The following SPEG variants were observed in gnomAD, a reference collection of about 807,000 sequenced individuals.
The protein encoded by SPEG is striated muscle preferentially expressed protein kinase.
Under a neutral mutation model 300.4 loss-of-function variants are expected in SPEG, and 114 were observed. The observed-to-expected ratio is 0.38, with a 90% confidence interval of 0.33 to 0.44. The LOEUF (loss-of-function observed/expected upper bound fraction) is 0.44. Among genes scored for constraint, SPEG ranks in the 20% least tolerant of loss-of-function variants. The probability of loss-of-function intolerance (pLI) is 1.00; values close to 1 mark genes in which losing one functional copy is unlikely to be tolerated. For synonymous variants in SPEG, 1,964 were observed against 2,018.9 expected, an observed-to-expected ratio of 0.97 and a Z score of 0.73; for missense variants, 4,201 against 4,586.2, an observed-to-expected ratio of 0.92 and a Z score of 2.43.
chr2:219,485,817 G>A (rs1693365177), intron 31 of SPEG, among the ~76,000 whole-genome samples: 1 of 152,220 alleles, frequency 6.6e-6, no homozygotes, highest in African/African-American at 2.4e-5. Context: ...GTTGGACTGT[G>A]TGACCTTCTG....
intron 3 of SPEG, among the ~76,000 whole-genome samples, chr2:219,447,222 G>C (rs1383796978): frequency 7.1e-6 from 1 of 141,604 alleles, no homozygotes; most frequent in Admixed American, 7.0e-5. Context: ...GTGGGGGGGG[G>C]CCTTCTGTAC....
Position 219,480,396 on chromosome 2 carries a change from T to C in SPEG, c.5342+256T>C, listed in dbSNP as rs4674404. Among the ~76,000 whole-genome samples the C allele has an allele frequency of 0.58, 88,519 of 151,600 alleles. 28,488 individuals carry two copies. The highest frequency in any genetic ancestry group is 0.84 in the East Asian group (4,278 of 5,112). ...GGAAGCCGGGCCTTCCCCTCAGCAT[T>C]CAGCCTGCCTCCTCCAGTAAGGCAG... On this transcript the variant is annotated intron_variant, in intron 25 of 40. Transcript: ENST00000312358. The surrounding 1 kb of genome is among the most constrained non-coding windows in gnomAD (Gnocchi z 5.3).
In SPEG at chr2:219,489,646, C is replaced by T. The variant is rs1279218474; in HGVS notation, c.8628C>T (p.Val2876=). ...CCCCAAGTGAGCCCAAGCCTTTCGTCCTTGACACTGGGACCCCGATCCCAG... is the reference window on the plus strand; with the variant it reads ...CCCCAAGTGAGCCCAAGCCTTTCGTTCTTGACACTGGGACCCCGATCCCAG... ...HVTPSEPKPF[V]LDTGTPIPAS... is the part of the protein sequence containing the mutation. The change falls in exon 36 of 41, where the codon GTC becomes GTT. Residue 2876 remains valine (V), a synonymous_variant. Transcript: ENST00000312358. 1.2e-6 allele frequency: 2 copies of T among 1,614,020 alleles called. No individual in the cohort carries two copies. The highest frequency in any genetic ancestry group is 2.2e-5 in the East Asian group (1 of 44,886).
In SPEG at chr2:219,479,726, G is replaced by T; in HGVS notation, c.5086-57G>T. The T allele has an allele frequency of 6.5e-7, 1 of 1,540,810 alleles. No individual in the cohort carries two copies. The highest frequency in any genetic ancestry group is 9.0e-7 in the Non-Finnish European group (1 of 1,115,162). On this transcript the variant is annotated intron_variant, in intron 23 of 40. Coordinates refer to ENST00000312358, the MANE Select transcript of SPEG (RefSeq NM_005876.5). This position sits in a 1 kb window ranked among gnomAD's most constrained non-coding sequence, Gnocchi z 5.5. ...CAGCCGGACCGCTTGCCGCCCTGGA[G>T]GTGTTCAGACATACACCACCCTTCC...
In SPEG at chr2:219,469,275, A is replaced by G; in HGVS notation, c.3611A>G (p.Glu1204Gly). ...LQDLEVGLAK[E>G]AMLECQVTGL... is the part of the protein sequence containing the mutation. The stretch of plus-strand genomic sequence containing the variant: ...GACCTGGAGGTGGGACTGGCCAAGG[A>G]GGCCATGCTAGAGTGCCAGGTGACC... Residue 1204 changes from glutamate to glycine, a missense_variant, in exon 13 of 41, where the codon GAG (glutamate) becomes GGG (glycine). By Grantham distance (98) the Glu-to-Gly change is moderately conservative (BLOSUM62 -2). Coordinates refer to ENST00000312358, the MANE Select transcript of SPEG (RefSeq NM_005876.5). 6.2e-7 allele frequency: 1 copy of G among 1,613,858 alleles called. No individual in the cohort carries two copies. The highest frequency in any genetic ancestry group is 8.5e-7 in the Non-Finnish European group (1 of 1,179,940).
Position 219,451,822 on chromosome 2 carries a change from A to G in SPEG, c.2440+15A>G. 1 of 1,518,190 alleles carries G rather than the reference A, an allele frequency of 6.6e-7. No homozygotes were observed. The highest frequency in any genetic ancestry group is 1.3e-5 in the South Asian group (1 of 79,464). 94.0% of individuals were successfully genotyped at this position (1,518,190 alleles called of 1,614,324 possible). A position where few individuals can be genotyped will look rare whatever the true frequency, so the allele number is the denominator to read the frequency against. ...CGTGAGACCCGGTAGGGAGCCCATC[A>G]ACCCTGGGGCTGGGTGGGGGCAAGC... On this transcript the variant is annotated intron_variant, in intron 6 of 40. Coordinates refer to ENST00000312358, the MANE Select transcript of SPEG (RefSeq NM_005876.5). The surrounding 1 kb of genome is among the most constrained non-coding windows in gnomAD (Gnocchi z 6.4).
Position 219,481,396 on chromosome 2 carries a change from TCCTGAG to T in SPEG, c.5470_5475del (p.Leu1824_Ser1825del). The T allele has an allele frequency of 6.2e-7, 1 of 1,614,180 alleles. No individual in the cohort carries two copies. Among genetic ancestry groups the T allele is most frequent in the East Asian group, 2.2e-5 (1 of 44,874 alleles). ...AACGTGGCCTTCGAGGAGACCACAT[TCCTGAG>T]CCTGAGCAGGGAGGCCCGGGGCTTC... On this transcript the variant is annotated inframe_deletion, in exon 27 of 41. Coordinates refer to ENST00000312358, the MANE Select transcript of SPEG (RefSeq NM_005876.5). This position sits in a 1 kb window ranked among gnomAD's most constrained non-coding sequence, Gnocchi z 5.4.
chr2:219,442,428 G>C (rs1688990661), intron 1 of SPEG, among the ~76,000 whole-genome samples: 1 of 150,368 alleles, frequency 6.7e-6, no homozygotes, highest in Non-Finnish European at 1.5e-5. Context: ...CTCAACCCCG[G>C]GCCCCGGCCC....
chr2:219,480,105 C>G lies in SPEG; in HGVS notation c.5307C>G (p.Val1769=), dbSNP rs374198394. The change falls in exon 25 of 41, where the codon GTC becomes GTG. Residue 1769 remains valine (V), a synonymous_variant. Coordinates refer to ENST00000312358, the MANE Select transcript of SPEG (RefSeq NM_005876.5). This position sits in a 1 kb window ranked among gnomAD's most constrained non-coding sequence, Gnocchi z 5.3. Reference sequence around the variant, plus strand: ...CTGAGTTTGTAGCACCCGAGATTGTCAATCAGAGCCCCGTGTCTGGAGTCA... The same window carrying G: ...CTGAGTTTGTAGCACCCGAGATTGTGAATCAGAGCCCCGTGTCTGGAGTCA... The part of the protein sequence containing the change: ...GTPEFVAPEI[V]NQSPVSGVTD... The G allele has an allele frequency of 1.9e-6, 3 of 1,613,958 alleles. No individual in the cohort carries two copies. The highest frequency in any genetic ancestry group is 2.5e-6 in the Non-Finnish European group (3 of 1,180,014).
Position 219,477,884 on chromosome 2 carries a change from C to A in SPEG, c.4827-21C>A, listed in dbSNP as rs931277187. On this transcript the variant is annotated intron_variant, in intron 21 of 40. Transcript: ENST00000312358. The surrounding 1 kb of genome is among the most constrained non-coding windows in gnomAD (Gnocchi z 6.4). ...GGCCACAGTGATGGCTGATCTCTGA[C>A]CCCCTCCCTGTGTCAACCAGGGGTG... 1 of 1,611,106 alleles carries A rather than the reference C, an allele frequency of 6.2e-7. No individual in the cohort carries two copies. The highest frequency in any genetic ancestry group is 1.3e-5 in the African/African-American group (1 of 74,890).
At position 219,451,842 on chromosome 2, in the gene SPEG, G is replaced by A. The variant is rs923169115; in HGVS notation, c.2440+35G>A. ...CCATCAACCCTGGGGCTGGGTGGGG[G>A]CAAGCCGTGACTCTCCCCTGGCCCA... On this transcript the variant is annotated intron_variant, in intron 6 of 40. Transcript: ENST00000312358. The surrounding 1 kb of genome is among the most constrained non-coding windows in gnomAD (Gnocchi z 6.4). 12 of 1,489,438 alleles carry A rather than the reference G, an allele frequency of 8.1e-6. 1 individual carries two copies. The highest frequency in any genetic ancestry group is 2.5e-5 in the East Asian group (1 of 39,692). The allele number at this position is 1,489,438 out of a possible 1,614,324, so 92.3% of individuals were successfully genotyped here.
chr2:219,472,173 C>T (rs1691935685), intron 14 of SPEG, 54 bp from the exon 15 acceptor site: 2 of 1,582,848 alleles, frequency 1.3e-6, no homozygotes, highest in African/African-American at 1.3e-5. Flanking sequence ...CTCGGTGATC[C>T]TGTGGGGCTG....
At position 219,481,167 on chromosome 2, in the gene SPEG, C is replaced by T. The variant is rs1050413742; in HGVS notation, c.5370-137C>T. The T allele has an allele frequency of 3.7e-5, 34 of 925,272 alleles. No homozygotes were observed. Among genetic ancestry groups the T allele is most frequent in the Non-Finnish European group, 5.2e-5 (31 of 601,322 alleles). 57.3% of individuals were successfully genotyped at this position (925,272 alleles called of 1,614,324 possible). Reference sequence around the variant, plus strand: ...CAGGGCAGGAGAGAGTCCGCAGCCTCACCTCTTACCCACATTTGCCCAGCC... The same window carrying T: ...CAGGGCAGGAGAGAGTCCGCAGCCTTACCTCTTACCCACATTTGCCCAGCC... On this transcript the variant is annotated intron_variant, in intron 26 of 40. Transcript: ENST00000312358. The surrounding 1 kb of genome is among the most constrained non-coding windows in gnomAD (Gnocchi z 5.4).
rs1691071779 is a variant in SPEG at position 219,464,498 on chromosome 2, T to A, written c.2771T>A (p.Leu924Gln). ...TTTGCGGAGGAGGCTGAGGGTGGGC[T>A]GTGCCGGCTGCGGATCCTGGCTGCA... is the stretch of plus-strand genomic sequence containing the variant. ...RRFAEEAEGG[L>Q]CRLRILAAER... is the part of the protein sequence containing the mutation. The change falls in exon 9 of 41, where the codon CTG (leucine) becomes CAG (glutamine). Residue 924 changes from leucine (L) to glutamine (Q), a missense_variant. Leu to Gln is a moderately radical substitution (Grantham distance 113, BLOSUM62 -2). Around this residue, in one of 4 missense-constraint regions of SPEG, gnomAD observed 1,047 missense variants for 1,356.8 expected, o/e 0.77. Transcript: ENST00000312358. The surrounding 1 kb of genome is among the most constrained non-coding windows in gnomAD (Gnocchi z 4.5). 3 of 1,613,976 alleles carry A rather than the reference T, an allele frequency of 1.9e-6. No homozygotes were observed. Among genetic ancestry groups the A allele is most frequent in the Non-Finnish European group, 2.5e-6 (3 of 1,180,038 alleles).
chr2:219,463,294 C>T (rs1690908365), intron 8 of SPEG, among the ~76,000 whole-genome samples: 2 of 151,530 alleles, frequency 1.3e-5, no homozygotes, highest in African/African-American at 2.4e-5. Context: ...GGGCCTCGCT[C>T]ATCCCAGGTG....
rs1212383047 is a variant in SPEG, at chr2:219,489,511, C to T, written c.8493C>T (p.Ala2831=). The change falls in exon 36 of 41, where the codon GCC becomes GCT. Residue 2831 remains alanine, a synonymous_variant. Transcript: ENST00000312358. ...PSSPPTPPSQ[A]LSSLKAVGPP... ...CTCCCCCCACACCTCCTAGCCAGGC[C>T]TTGTCCTCGCTCAAGGCTGTGGGTC... 5.6e-6 allele frequency: 9 copies of T among 1,613,126 alleles called. No homozygotes were observed. The highest frequency in any genetic ancestry group is 7.6e-6 in the Non-Finnish European group (9 of 1,179,718).
In SPEG at chr2:219,484,999, C is replaced by T; in HGVS notation, c.7536C>T (p.Ala2512=). The T allele has an allele frequency of 1.3e-6, 2 of 1,531,220 alleles. No homozygotes were observed. The highest frequency in any genetic ancestry group is 1.7e-6 in the Non-Finnish European group (2 of 1,145,242). 94.9% of individuals were successfully genotyped at this position (1,531,220 alleles called of 1,614,324 possible). The change falls in exon 30 of 41, where the codon GCC becomes GCT. Residue 2512 remains alanine (A), a synonymous_variant. Coordinates refer to ENST00000312358, the MANE Select transcript of SPEG (RefSeq NM_005876.5). ...TTGGCCTTCCGCACAACCAGTTGGC[C>T]GCCCAGGCCGGCGCCACCACGCCTT... ...RRLGLPHNQL[A]AQAGATTPSA...
In SPEG at chr2:219,435,348, C is replaced by A; in HGVS notation, c.371C>A (p.Thr124Lys). 6.5e-7 allele frequency: 1 copy of A among 1,538,876 alleles called. No homozygotes were observed. The highest frequency in any genetic ancestry group is 1.9e-5 in the Admixed American group (1 of 52,086). The change falls in exon 1 of 41, where the codon ACA (threonine) becomes AAA (lysine). Residue 124 changes from threonine to lysine, a missense_variant. Transcript: ENST00000312358. ...CGGGCCTCCTGCGAGGCGGTGCTCA[C>A]AGTGCTGGAGGTCGGAGGTAAAGGG... is the stretch of plus-strand genomic sequence containing the variant. ...RGRASCEAVL[T>K]VLEVGDSETA...
At position 219,491,884 on chromosome 2, in the gene SPEG, C is replaced by A; in HGVS notation, c.9461+15C>A. 1 of 1,582,454 alleles carries A rather than the reference C, an allele frequency of 6.3e-7. No individual in the cohort carries two copies. Among genetic ancestry groups the A allele is most frequent in the South Asian group, 1.1e-5 (1 of 87,164 alleles). ...ACTTACATTATGTGAGTGTCCCCTA[C>A]CCCACCGCAGCCCTCTCTGCCCATA... On this transcript the variant is annotated intron_variant, in intron 39 of 40. Coordinates refer to ENST00000312358, the MANE Select transcript of SPEG (RefSeq NM_005876.5).
Sources: gnomAD v4.1 joint callset for allele counts (sites outside exome capture counted in the v4.1 genomes callset) on GRCh38, gnomAD v4.1.1 for gene constraint, gnomAD v4.1.1 regional missense constraint, Gnocchi (gnomAD v3.1) non-coding constraint, MANE v1.5 for transcripts, NCBI Gene and HGNC (gene_info 2026-07-23, HGNC 2026-07-21) for gene names.